GPATCH11: variants seen among roughly 807,000 people sequenced by gnomAD.
The protein encoded by GPATCH11 is G patch domain-containing protein 11.
GPATCH11 carries 32 observed loss-of-function variants against 44.8 expected under a neutral mutation model. The observed-to-expected ratio is 0.71, with a 90% CI of 0.54 to 0.96. The LOEUF is 0.96. GPATCH11 is among the 40% of genes least tolerant of loss of function. The probability of loss-of-function intolerance (pLI) is 0.00; values close to 1 mark genes in which losing one functional copy is unlikely to be tolerated. For synonymous variants in GPATCH11, 84 were observed against 94.4 expected (o/e 0.89, Z 0.64); for missense variants, 324 against 303.1 (o/e 1.07, Z -0.51).
At position 37,084,561 on chromosome 2, in the gene GPATCH11, G is replaced by A. The variant is rs536388024; in HGVS notation, c.-23G>A. The A allele has an allele frequency of 8.0e-5, 98 of 1,232,370 alleles. No individual in the cohort carries two copies. In the African/African-American group the frequency reaches 1.1e-3, roughly 13 times the overall value. The allele number at this position is 1,232,370 out of a possible 1,614,324, so 76.3% of individuals were successfully genotyped here. On this transcript the variant is annotated 5_prime_UTR_variant, in exon 1 of 9. Transcript: ENST00000674370. ...ACGGCGCTGAACCGGGGCGAGCAGA[G>A]AGCTGTCAGGTAAGAGAGCTGTCAG... is the stretch of plus-strand genomic sequence containing the variant.
rs1474694988 is a variant in GPATCH11 at position 37,097,199 on chromosome 2, C to T, written c.*936C>T. 1 of 152,134 alleles carries T rather than the reference C, an allele frequency of 6.6e-6. No homozygotes were observed. The highest frequency in any genetic ancestry group is 1.9e-4 in the East Asian group (1 of 5,190). The allele number at this position is 152,134 out of a possible 1,614,324, so 9.4% of individuals were successfully genotyped here. ...GCATTCCCAGCAAGTGATAGTTCAA[C>T]CTTTGCTTTTATTCTTCCAGCCACA... is the stretch of plus-strand genomic sequence containing the variant. On this transcript the variant is annotated 3_prime_UTR_variant, in exon 9 of 9. Transcript: ENST00000674370.
chr2:37,092,485 T>C (rs7582985), intron 6 of GPATCH11, among the ~76,000 whole-genome samples: 4,969 of 131,138 alleles, frequency 0.038, 120 homozygotes, highest in Non-Finnish European at 0.059. Context: ...ATATAATATA[T>C]ATATTATATA....
At chr2:37,088,313 G>C in intron 1 of GPATCH11, 56 bp from the exon 2 acceptor site, 1 of 808,936 alleles carries the variant, frequency 1.2e-6, no homozygotes, top group Non-Finnish European at 1.9e-6. Flanking sequence ...GATACAGAAA[G>C]GTTTATTTCC....
intron 6 of GPATCH11, among the ~76,000 whole-genome samples, chr2:37,093,384 C>T (rs1673425825): frequency 6.6e-6 from 1 of 152,092 alleles, no homozygotes; most frequent in African/African-American, 2.4e-5. Context: ...CTTAGTGGTT[C>T]AAGTACTCTG....
chr2:37,084,763 T>A (rs1177208231), intron 1 of GPATCH11, among the ~76,000 whole-genome samples, 193 bp downstream of exon 1: 1 of 152,116 alleles, frequency 6.6e-6, no homozygotes, highest in Non-Finnish European at 1.5e-5. Context: ...GTATTGAGAG[T>A]GGGACGTTTC....
chr2:37,092,213 CAGA>C lies in GPATCH11; in HGVS notation c.504_506del (p.Arg168del). 6.5e-7 allele frequency: 1 copy of C among 1,543,696 alleles called. No homozygotes were observed. The highest frequency in any genetic ancestry group is 8.7e-7 in the Non-Finnish European group (1 of 1,150,320). On this transcript the variant is annotated inframe_deletion, in exon 6 of 9. Transcript: ENST00000674370. ...ATGAAATGAAGCTAGAAGGAGATCT[CAGA>C]AGAAGCCAGCGAGCCTGTCAACAAC...
At chr2:37,091,805 G>C in intron 4 of GPATCH11, 111 bp from the exon 5 acceptor site, 1 of 926,132 alleles carries the variant, frequency 1.1e-6, no homozygotes. Context: ...CAAATGATTT[G>C]TGAGTGATAG....
chr2:37,088,857 T>C (rs904025620), intron 2 of GPATCH11, among the ~76,000 whole-genome samples: 1 of 152,188 alleles, frequency 6.6e-6, no homozygotes, highest in African/African-American at 2.4e-5. Context: ...GGAAAGTCAG[T>C]CTTCTTGCTT....
At chr2:37,091,153 C>T (rs1304020411) in intron 4 of GPATCH11, among the ~76,000 whole-genome samples, 2 of 151,950 alleles carry the variant, frequency 1.3e-5, no homozygotes, top group African/African-American at 4.8e-5. Flanking sequence ...GGAGAAACCC[C>T]ATCTCTACTA....
chr2:37,091,191 G>A (rs183536865), intron 4 of GPATCH11, among the ~76,000 whole-genome samples: 6 of 152,250 alleles, frequency 3.9e-5, no homozygotes, highest in African/African-American at 1.4e-4. Flanking sequence ...GGGCATGGTG[G>A]TGCATGCCTG....
At chr2:37,094,242 C>T (rs1216513296) in intron 7 of GPATCH11, 47 bp downstream of exon 7, 4 of 1,158,510 alleles carry the variant, frequency 3.5e-6, no homozygotes, top group Middle Eastern at 1.9e-4. Flanking sequence ...GCCTTGGCAA[C>T]ATTAGCACTT....
At chr2:37,092,712 T>G (rs1433307622) in intron 6 of GPATCH11, among the ~76,000 whole-genome samples, 1 of 151,888 alleles carries the variant, frequency 6.6e-6, no homozygotes, top group Non-Finnish European at 1.5e-5. Context: ...TTAAATAAAA[T>G]TTTACATTTA....
chr2:37,087,733 T>C (rs1673117047), intron 1 of GPATCH11, among the ~76,000 whole-genome samples: 1 of 152,118 alleles, frequency 6.6e-6, no homozygotes, highest in Non-Finnish European at 1.5e-5. Context: ...GAAGAAATGT[T>C]TGTACTCTGT....
intron 3 of GPATCH11, among the ~76,000 whole-genome samples, chr2:37,090,383 C>T (rs1673257885): frequency 6.6e-6 from 1 of 152,116 alleles, no homozygotes; most frequent in Admixed American, 6.6e-5. Context: ...ATCGTAATTG[C>T]TTTGCTTTCA....
rs998461801 is a variant in GPATCH11, at chr2:37,098,142, G to T, written c.*1879G>T. ...GTTCAAGACCAACCTGGCCAACATG[G>T]TGAAACCCCATCTCTACTAAAAATA... On this transcript the variant is annotated 3_prime_UTR_variant, in exon 9 of 9. Coordinates refer to ENST00000674370, the MANE Select transcript of GPATCH11 (RefSeq NM_174931.4). 1.3e-5 allele frequency: 2 copies of T among 151,894 alleles called. No homozygotes were observed. The highest frequency in any genetic ancestry group is 2.9e-5 in the Non-Finnish European group (2 of 68,008). 9.4% of individuals were successfully genotyped at this position (151,894 alleles called of 1,614,324 possible). A position where few individuals can be genotyped will look rare whatever the true frequency, so the allele number is the denominator to read the frequency against.
At chr2:37,094,675 C>G (rs946508769) in intron 7 of GPATCH11, among the ~76,000 whole-genome samples, 1 of 152,156 alleles carries the variant, frequency 6.6e-6, no homozygotes, top group Non-Finnish European at 1.5e-5. Context: ...GGCATGGTGG[C>G]TCACACCTGT....
rs1033790635 is a variant in GPATCH11 at position 37,084,532 on chromosome 2, C to T, written c.-52C>T. The T allele has an allele frequency of 1.1e-5, 13 of 1,232,642 alleles. No homozygotes were observed. Among genetic ancestry groups the T allele is most frequent in the Non-Finnish European group, 1.3e-5 (13 of 988,324 alleles). The allele number at this position is 1,232,642 out of a possible 1,614,324, so 76.4% of individuals were successfully genotyped here. A position where few individuals can be genotyped will look rare whatever the true frequency, so the allele number is the denominator to read the frequency against. On this transcript the variant is annotated 5_prime_UTR_variant, in exon 1 of 9. Coordinates refer to ENST00000674370, the MANE Select transcript of GPATCH11 (RefSeq NM_174931.4). ...TCGGTGGGCGCATGCGCAGCGCGCG[C>T]TCTACGGCGCTGAACCGGGGCGAGC...
chr2:37,094,090 G>C lies in GPATCH11; in HGVS notation c.549G>C (p.Gln183His). 3 of 1,591,060 alleles carry C rather than the reference G, an allele frequency of 1.9e-6. No individual in the cohort carries two copies. The South Asian group carries it at 3.4e-5, about 18-fold the overall frequency. ...CQQLDVQKNIQVPREAWYWLR... is the reference protein window; with the variant it reads ...CQQLDVQKNIHVPREAWYWLR... ...TACTTCTGCATTTTCAGAATATTCA[G>C]GTTCCCAGGGAAGCATGGTACTGGT... is the stretch of plus-strand genomic sequence containing the variant. Residue 183 changes from glutamine to histidine, a missense_variant, in exon 7 of 9, where the codon CAG becomes CAC. Gln to His is a conservative substitution (Grantham distance 24). Coordinates refer to ENST00000674370, the MANE Select transcript of GPATCH11 (RefSeq NM_174931.4).
intron 3 of GPATCH11, among the ~76,000 whole-genome samples, chr2:37,090,248 A>G (rs1210764780): frequency 6.6e-6 from 1 of 152,256 alleles, no homozygotes; most frequent in East Asian, 1.9e-4. Context: ...TGTGGCAGCC[A>G]TCTGAATGAC....
Sources: gnomAD v4.1 joint callset for allele counts (sites outside exome capture counted in the v4.1 genomes callset) on GRCh38, gnomAD v4.1.1 for gene constraint, MANE v1.5 for transcripts, NCBI Gene and HGNC (gene_info 2026-07-23, HGNC 2026-07-21) for gene names.